MEGF6: variants seen among roughly 807,000 people sequenced by gnomAD.
The protein encoded by MEGF6 is multiple EGF like domains 6, also known as multiple epidermal growth factor-like domains protein 6.
A neutral mutation model predicts 207.1 loss-of-function variants in MEGF6; 184 were observed. The ratio of observed to expected loss-of-function variants is 0.89; its 90% confidence interval spans 0.79 to 1.00. The LOEUF (loss-of-function observed/expected upper bound fraction) is 1.00. MEGF6 is among the 50% of genes least tolerant of loss of function. MEGF6 has a pLI of 0.00. For synonymous variants in MEGF6, 1,038 were observed against 910.0 expected (o/e 1.14, Z -2.53); for missense variants, 2,282 against 2,202.9 (o/e 1.04, Z -0.72).
intron 4 of MEGF6, among the ~76,000 whole-genome samples, chr1:3,574,667 G>A (rs1024990680): frequency 6.6e-6 from 1 of 152,204 alleles, no homozygotes; most frequent in African/African-American, 2.4e-5. Context: ...TATTGAGACA[G>A]GGTCTTGCTC....
intron 4 of MEGF6, among the ~76,000 whole-genome samples, chr1:3,569,837 T>C (rs576610007): frequency 6.6e-6 from 1 of 152,316 alleles, no homozygotes; most frequent in African/African-American, 2.4e-5. Context: ...CGCCTCTTAA[T>C]GTCTCCTGCT....
chr1:3,533,739 G>A (rs1023581382), intron 4 of MEGF6, among the ~76,000 whole-genome samples: 5 of 152,150 alleles, frequency 3.3e-5, no homozygotes, highest in Admixed American at 2.0e-4. Context: ...CCCAGTACTC[G>A]GCGGGAGCCT....
At chr1:3,490,879 G>T in intron 36 of MEGF6, 33 bp downstream of exon 36, 1 of 1,565,286 alleles carries the variant, frequency 6.4e-7, no homozygotes, top group Non-Finnish European at 8.7e-7. Flanking sequence ...CCACCCTCCT[G>T]GCAAGCCCAC....
At chr1:3,591,361 T>C (rs1338948512) in intron 3 of MEGF6, among the ~76,000 whole-genome samples, 1 of 152,164 alleles carries the variant, frequency 6.6e-6, no homozygotes, top group African/African-American at 2.4e-5. Flanking sequence ...GGCCAAGGGA[T>C]GCCAAGACCA....
intron 1 of MEGF6, 113 bp from the exon 2 acceptor site, chr1:3,602,713 G>T: frequency 7.0e-7 from 1 of 1,425,540 alleles, no homozygotes; most frequent in Non-Finnish European, 9.3e-7. Flanking sequence ...GTCCAGACCC[G>T]TGGCCAGGCC....
chr1:3,523,080 G>GGC (rs1553195922), intron 5 of MEGF6, among the ~76,000 whole-genome samples: 1 of 152,054 alleles, frequency 6.6e-6, no homozygotes, highest in Admixed American at 6.6e-5. Context: ...GTGCCGGGGG[G>GGC]GGGGCCCCAG....
At chr1:3,498,885 T>C in intron 24 of MEGF6, 59 bp from the exon 25 acceptor site, 1 of 1,532,040 alleles carries the variant, frequency 6.5e-7, no homozygotes, top group Non-Finnish European at 8.8e-7. Flanking sequence ...CCACAGGGTC[T>C]GTCTGGCTTT....
At chr1:3,494,954 G>A (rs1640539092) in intron 30 of MEGF6, among the ~76,000 whole-genome samples, 1 of 152,236 alleles carries the variant, frequency 6.6e-6, no homozygotes, top group Admixed American at 6.5e-5. Flanking sequence ...GCCAGGCCTG[G>A]TCTAGGAACT....
At chr1:3,616,956 G>A in the MEGF6 span, among the ~76,000 whole-genome samples, 6 of 152,328 alleles carry the variant, frequency 3.9e-5, no homozygotes, top group Middle Eastern at 3.4e-3. Context: ...CCTGCTCAGC[G>A]TTTGAACCAT....
At chr1:3,526,332 A>G (rs1641960659) in intron 4 of MEGF6, among the ~76,000 whole-genome samples, 1 of 151,912 alleles carries the variant, frequency 6.6e-6, no homozygotes, top group South Asian at 2.1e-4. Context: ...TACCCAGGCC[A>G]GGGCAGACAT....
At chr1:3,555,331 G>T (rs1643001958) in intron 4 of MEGF6, among the ~76,000 whole-genome samples, 1 of 152,210 alleles carries the variant, frequency 6.6e-6, no homozygotes, top group African/African-American at 2.4e-5. Context: ...CAAAGGCAGG[G>T]CAGAGGCCCT....
Position 3,510,099 on chromosome 1 carries a change from C to T in MEGF6, c.1235-107G>A. On this transcript the variant is annotated intron_variant, in intron 10 of 36. Coordinates refer to ENST00000356575, the MANE Select transcript of MEGF6 (RefSeq NM_001409.4). Reference sequence around the variant, plus strand: ...AGGACTGAAGCCCTGGTGGCCCTGCCAGAGCTGAGTAGCATCTCTTCAACC... The same window carrying T: ...AGGACTGAAGCCCTGGTGGCCCTGCTAGAGCTGAGTAGCATCTCTTCAACC... 4.2e-6 allele frequency: 6 copies of T among 1,414,606 alleles called. No individual in the cohort carries two copies. The South Asian group carries it at 8.0e-5, about 19-fold the overall frequency. The allele number at this position is 1,414,606 out of a possible 1,614,324, so 87.6% of individuals were successfully genotyped here.
rs140178471 is a variant in MEGF6 at position 3,559,224 on chromosome 1, C to T, written c.481+20601G>A. Reference sequence around the variant, plus strand: ...CATTCGGCATGGCAGCCACTTGCCCCGTCCTTAAACCTCAGGCCCTGAGAA... The same window carrying T: ...CATTCGGCATGGCAGCCACTTGCCCTGTCCTTAAACCTCAGGCCCTGAGAA... On this transcript the variant is annotated intron_variant, in intron 4 of 36. Transcript: ENST00000356575. Among the ~76,000 whole-genome samples, 387 of 152,222 alleles carry T rather than the reference C, an allele frequency of 2.5e-3. 2 individuals carry two copies. The highest frequency in any genetic ancestry group is 8.8e-3 in the African/African-American group (365 of 41,536).
chr1:3,605,558 T>TCACATACACACA (rs1644235641), intron 1 of MEGF6, among the ~76,000 whole-genome samples: 1 of 39,656 alleles, frequency 2.5e-5, no homozygotes, highest in African/African-American at 9.0e-5. Context: ...TCTCATACAC[T>TCACATACACACA]CATACACTCA....
At chr1:3,531,150 G>A in intron 4 of MEGF6, 1 of 1,528,588 alleles carries the variant, frequency 6.5e-7, no homozygotes, top group Non-Finnish European at 8.8e-7. Flanking sequence ...AGCCCCTCCA[G>A]AGGTAGCGGT....
At chr1:3,540,471 G>T (rs895339430) in intron 4 of MEGF6, among the ~76,000 whole-genome samples, 3 of 152,232 alleles carry the variant, frequency 2.0e-5, no homozygotes, top group African/African-American at 7.2e-5. Context: ...GTTCAGGCCT[G>T]GGCTCCAGGG....
At chr1:3,548,656 G>A (rs1466430580) in intron 4 of MEGF6, among the ~76,000 whole-genome samples, 1 of 152,216 alleles carries the variant, frequency 6.6e-6, no homozygotes, top group African/African-American at 2.4e-5. Flanking sequence ...CTTGAGGCCA[G>A]GTGGCTGGGA....
intron 11 of MEGF6, among the ~76,000 whole-genome samples, chr1:3,509,527 G>A (rs1641253068): frequency 6.6e-6 from 1 of 152,220 alleles, no homozygotes; most frequent in African/African-American, 2.4e-5. Context: ...TAGAGGGGTA[G>A]GGGTGGGAGC....
intron 2 of MEGF6, among the ~76,000 whole-genome samples, chr1:3,597,306 C>G (rs1160164719): frequency 6.6e-6 from 1 of 152,124 alleles, no homozygotes; most frequent in Non-Finnish European, 1.5e-5. Context: ...CCCTGCCGTC[C>G]TTCCTCGGGA....
Sources: gnomAD v4.1 joint callset for allele counts (sites outside exome capture counted in the v4.1 genomes callset) on GRCh38, gnomAD v4.1.1 for gene constraint, MANE v1.5 for transcripts, NCBI Gene and HGNC (gene_info 2026-07-23, HGNC 2026-07-21) for gene names.